EIF4G3: variants seen among roughly 807,000 people sequenced by gnomAD.
EIF4G3 encodes the protein eIF-4-gamma 3.
A neutral mutation model predicts 186.4 loss-of-function variants in EIF4G3; 34 were observed. The observed-to-expected ratio is 0.18, with a 90% confidence interval of 0.14 to 0.24. The LOEUF (loss-of-function observed/expected upper bound fraction) is 0.24, where lower values mean the gene tolerates loss of function less well. EIF4G3 is among the 10% of genes least tolerant of loss of function. The pLI, the probability that EIF4G3 is intolerant of heterozygous loss-of-function variation, is 1.00. For missense variants in EIF4G3, 1,536 were observed against 1,948.5 expected (o/e 0.79, Z 3.99); for synonymous variants, 673 against 679.5 (o/e 0.99, Z 0.15).
intron 2 of EIF4G3, among the ~76,000 whole-genome samples, chr1:21,131,047 C>A (rs181378508): frequency 6.6e-6 from 1 of 151,948 alleles, no homozygotes; most frequent in Non-Finnish European, 1.5e-5. Context: ...CAAGACCAGG[C>A]TGGCCAACAT....
chr1:21,048,924 G>A (rs1208408374), intron 4 of EIF4G3, among the ~76,000 whole-genome samples: 1 of 152,166 alleles, frequency 6.6e-6, no homozygotes, highest in Non-Finnish European at 1.5e-5. Flanking sequence ...ACATCTGAAT[G>A]TGCCACCTTA....
chr1:20,983,198 C>T (rs2078677170), intron 7 of EIF4G3, among the ~76,000 whole-genome samples: 1 of 151,666 alleles, frequency 6.6e-6, no homozygotes, highest in Non-Finnish European at 1.5e-5. Flanking sequence ...CAAAGATAGC[C>T]CTAAAGAAAT....
At chr1:20,950,135 G>A (rs1221587413) in intron 12 of EIF4G3, 24 bp from the exon 13 acceptor site, 1 of 1,539,188 alleles carries the variant, frequency 6.5e-7, no homozygotes, top group Non-Finnish European at 8.7e-7. Flanking sequence ...TACAAAAAAG[G>A]GTGATAATGA....
intron 33 of EIF4G3, among the ~76,000 whole-genome samples, chr1:20,824,821 C>T (rs960210046): frequency 2.0e-5 from 3 of 152,120 alleles, no homozygotes; most frequent in Non-Finnish European, 4.4e-5. Context: ...ACAGCTTTGG[C>T]CCTGTCACCC....
At chr1:20,807,551 G>A in intron 36 of EIF4G3, 51 bp from the exon 37 acceptor site, 2 of 1,398,776 alleles carry the variant, frequency 1.4e-6, no homozygotes, top group Non-Finnish European at 1.9e-6. Flanking sequence ...GTAGTTATGA[G>A]GAAAAGAATA....
intron 2 of EIF4G3, among the ~76,000 whole-genome samples, chr1:21,144,460 T>A (rs1480419953): frequency 6.6e-6 from 1 of 151,856 alleles, no homozygotes; most frequent in Non-Finnish European, 1.5e-5. Context: ...TCTCGCTGTG[T>A]TGCCTAGGCT....
chr1:21,110,530 G>C (rs1370923436), intron 2 of EIF4G3, among the ~76,000 whole-genome samples: 1 of 152,016 alleles, frequency 6.6e-6, no homozygotes, highest in Admixed American at 6.6e-5. Context: ...CCTGAGCTCA[G>C]GCAATTCGCC....
intron 3 of EIF4G3, among the ~76,000 whole-genome samples, chr1:21,059,080 T>C (rs139332784): frequency 2.0e-5 from 3 of 152,196 alleles, no homozygotes; most frequent in Non-Finnish European, 4.4e-5. Flanking sequence ...AGGATTCCTA[T>C]CAAGTAAATT....
rs752157403 is a variant in EIF4G3 at position 20,899,685 on chromosome 1, G to T, written c.1999+12C>A. On this transcript the variant is annotated intron_variant, in intron 16 of 36. Coordinates refer to ENST00000602326, the MANE Select transcript of EIF4G3 (RefSeq NM_001391906.1). Reference sequence around the variant, plus strand: ...GATAAAGAGGTACATAGGAAGGCAGGTATAAACTTACCTGGTTTAAATGGA... The same window carrying T: ...GATAAAGAGGTACATAGGAAGGCAGTTATAAACTTACCTGGTTTAAATGGA... The T allele has an allele frequency of 6.2e-7, 1 of 1,613,896 alleles. No individual in the cohort carries two copies.
intron 27 of EIF4G3, 38 bp from the exon 28 acceptor site, chr1:20,851,516 A>C: frequency 1.9e-6 from 3 of 1,589,022 alleles, no homozygotes; most frequent in Non-Finnish European, 2.6e-6. Flanking sequence ...AGGAAAGACA[A>C]GCCCATGTCC....
chr1:21,101,569 A>AAAAAAAAAAAAAAG (rs1457388880), intron 2 of EIF4G3, among the ~76,000 whole-genome samples: 4 of 142,988 alleles, frequency 2.8e-5, no homozygotes, highest in Non-Finnish European at 6.1e-5. Context: ...CAGGAAAAAA[A>AAAAAAAAAAAAAAG]AAAAAACAAC....
intron 12 of EIF4G3, among the ~76,000 whole-genome samples, chr1:20,959,902 G>C (rs554920305): frequency 3.3e-5 from 5 of 152,180 alleles, no homozygotes; most frequent in African/African-American, 1.2e-4. Context: ...CATGGATATG[G>C]GGAAAAGGGA....
At chr1:20,862,717 T>C (rs1469580212) in intron 22 of EIF4G3, among the ~76,000 whole-genome samples, 3 of 152,186 alleles carry the variant, frequency 2.0e-5, no homozygotes, top group African/African-American at 7.2e-5. Flanking sequence ...CCAGCCCATG[T>C]AGTTTTCTAA....
intron 16 of EIF4G3, among the ~76,000 whole-genome samples, chr1:20,896,194 C>T (rs558768180): frequency 6.6e-6 from 1 of 152,154 alleles, no homozygotes; most frequent in East Asian, 1.9e-4. Context: ...TGGTGGCTCA[C>T]ACCTATAATC....
chr1:20,998,158 T>C (rs1394895447), intron 6 of EIF4G3, among the ~76,000 whole-genome samples: 1 of 151,898 alleles, frequency 6.6e-6, no homozygotes, highest in Non-Finnish European at 1.5e-5. Flanking sequence ...ATCCATGAAA[T>C]GGAAGTTTCA....
chr1:21,151,236 C>CTTTT (rs71014161), intron 2 of EIF4G3, among the ~76,000 whole-genome samples: 2,289 of 80,140 alleles, frequency 0.029, 422 homozygotes, highest in Middle Eastern at 0.071. Flanking sequence ...GTATTTCTTT[C>CTTTT]TTTTTTTTTT....
chr1:21,024,619 G>A (rs1232508288), intron 4 of EIF4G3, among the ~76,000 whole-genome samples: 1 of 150,230 alleles, frequency 6.7e-6, no homozygotes, highest in African/African-American at 2.5e-5. Flanking sequence ...TGAAACATGT[G>A]CTGTGTCCAC....
intron 12 of EIF4G3, among the ~76,000 whole-genome samples, chr1:20,957,483 A>G (rs776236234): frequency 1.9e-4 from 29 of 151,964 alleles, no homozygotes; most frequent in Non-Finnish European, 3.1e-4. Context: ...AAGGAATTAG[A>G]AAAACAAGCA....
At chr1:20,963,394 G>A (rs758863069) in intron 12 of EIF4G3, among the ~76,000 whole-genome samples, 1 of 152,208 alleles carries the variant, frequency 6.6e-6, no homozygotes, top group Non-Finnish European at 1.5e-5. Context: ...AAATGGTCAT[G>A]GAATTTAAGG....
Sources: allele counts gnomAD v4.1 joint callset (sites outside exome capture counted in the v4.1 genomes callset), GRCh38; gene constraint gnomAD v4.1.1; transcripts MANE v1.5; gene names NCBI Gene and HGNC (gene_info 2026-07-23, HGNC 2026-07-21).